CWC27: variants seen among roughly 807,000 people sequenced by gnomAD.
The protein encoded by CWC27 is spliceosome-associated protein CWC27 homolog.
A neutral mutation model predicts 63.6 loss-of-function variants in CWC27; 47 were observed. The ratio of observed to expected loss-of-function variants is 0.74; its 90% CI spans 0.58 to 0.94. The LOEUF is 0.94. Ranked by LOEUF, CWC27 falls within the 40% of genes least tolerant of loss-of-function variation. CWC27 has a pLI of 0.00. For missense variants in CWC27, 495 were observed against 554.3 expected, an observed-to-expected ratio of 0.89 and a Z score of 1.07; for synonymous variants, 175 against 179.8, an observed-to-expected ratio of 0.97 and a Z score of 0.22.
rs546630136 is a variant in CWC27 at position 64,907,275 on chromosome 5, G to A, written c.1042+21729G>A. On this transcript the variant is annotated intron_variant, in intron 11 of 13. Coordinates refer to ENST00000381070, the MANE Select transcript of CWC27 (RefSeq NM_005869.4). ...CCTTGGGCAGTATGGCCATTTTCAC[G>A]ATATTGATTCTTCCTATTCATGAGC... 7.9e-5 allele frequency among the ~76,000 whole-genome samples: 12 copies of A among 152,228 alleles called. No homozygotes were observed. In the East Asian group the frequency reaches 1.5e-3, roughly 20 times the overall value.
At chr5:64,885,698 G>GGGGGGTGT in intron 11 of CWC27, 152 bp downstream of exon 11, 2 of 259,616 alleles carry the variant, frequency 7.7e-6, no homozygotes, top group Non-Finnish European at 1.4e-5. Context: ...CTTGAGTTAG[G>GGGGGGTGT]GTGTGTGTGT....
intron 11 of CWC27, among the ~76,000 whole-genome samples, chr5:64,933,004 T>C (rs1481860316): frequency 6.6e-6 from 1 of 152,202 alleles, no homozygotes; most frequent in African/African-American, 2.4e-5. Context: ...AAGTGTAAAA[T>C]TATCTAATCA....
Position 64,820,003 on chromosome 5 carries a change from GATAA to G in CWC27, c.938+15621_938+15624del, listed in dbSNP as rs534039840. Among the ~76,000 whole-genome samples the G allele has an allele frequency of 6.1e-4, 93 of 152,264 alleles. 1 individual carries two copies. The highest frequency in any genetic ancestry group is 1.0e-3 in the Non-Finnish European group (69 of 68,018). ...CCTACTAAATAATTTTCATAAAACT[GATAA>G]ATAGTGTTTATTCCAACAAAGACAT... On this transcript the variant is annotated intron_variant, in intron 10 of 13. Coordinates refer to ENST00000381070, the MANE Select transcript of CWC27 (RefSeq NM_005869.4).
chr5:64,809,911 T>C (rs1045931189), intron 10 of CWC27, among the ~76,000 whole-genome samples: 4 of 152,204 alleles, frequency 2.6e-5, no homozygotes, highest in Non-Finnish European at 4.4e-5. Flanking sequence ...CAATCCTACT[T>C]GTCTATTTTT....
At chr5:64,915,331 G>T (rs529284535) in intron 11 of CWC27, among the ~76,000 whole-genome samples, 8 of 152,258 alleles carry the variant, frequency 5.3e-5, no homozygotes, top group African/African-American at 1.9e-4. Flanking sequence ...AATAATGTTT[G>T]TGATTATCCC....
chr5:64,873,450 C>A (rs1746724987), intron 10 of CWC27, among the ~76,000 whole-genome samples: 1 of 151,688 alleles, frequency 6.6e-6, no homozygotes, highest in Non-Finnish European at 1.5e-5. Flanking sequence ...AGCAATAGAC[C>A]CTTCTCTCTT....
At chr5:65,003,847 T>C (rs1749776691) in intron 13 of CWC27, among the ~76,000 whole-genome samples, 1 of 57,502 alleles carries the variant, frequency 1.7e-5, no homozygotes, top group African/African-American at 4.5e-5. Context: ...TTTATTTGAC[T>C]TTTTTTTTTT....
chr5:64,910,679 A>C (rs1747766712), intron 11 of CWC27, among the ~76,000 whole-genome samples: 1 of 152,228 alleles, frequency 6.6e-6, no homozygotes, highest in South Asian at 2.1e-4. Context: ...TACCCCTGCC[A>C]GGCTGCTGCC....
intron 11 of CWC27, among the ~76,000 whole-genome samples, chr5:64,957,141 T>C (rs1748816895): frequency 6.6e-6 from 1 of 152,204 alleles, no homozygotes; most frequent in Non-Finnish European, 1.5e-5. Flanking sequence ...TTACCTTATG[T>C]TACAAAACAA....
intron 10 of CWC27, among the ~76,000 whole-genome samples, chr5:64,846,088 G>A (rs6883063): frequency 0.37 from 55,739 of 152,000 alleles, 10,771 homozygotes; most frequent in East Asian, 0.52. Context: ...TTGAAATGCC[G>A]GAGGAAAACA....
At position 64,788,948 on chromosome 5, in the gene CWC27, T is replaced by C. The variant is rs1238117090; in HGVS notation, c.600-3T>C. 1.9e-6 allele frequency: 3 copies of C among 1,567,500 alleles called. No homozygotes were observed. The highest frequency in any genetic ancestry group is 2.6e-6 in the Non-Finnish European group (3 of 1,156,136). ...TTTTTTTTCTTTCTTTTTTTTGGAC[T>C]AGAAATTTTAGTTTACTTTCATTTG... On this transcript the variant is annotated splice_polypyrimidine_tract_variant and splice_region_variant and intron_variant, in intron 6 of 13. Coordinates refer to ENST00000381070, the MANE Select transcript of CWC27 (RefSeq NM_005869.4).
chr5:64,923,368 CTCCAGG>C (rs1478444032), intron 11 of CWC27, among the ~76,000 whole-genome samples: 1 of 151,870 alleles, frequency 6.6e-6, no homozygotes, highest in Non-Finnish European at 1.5e-5. Flanking sequence ...GTCGGGCTCC[CTCCAGG>C]TCCAACAGCT....
intron 11 of CWC27, among the ~76,000 whole-genome samples, chr5:64,959,482 C>T (rs1204980498): frequency 6.6e-6 from 1 of 152,092 alleles, no homozygotes; most frequent in Non-Finnish European, 1.5e-5. Flanking sequence ...AGTTTATCAC[C>T]AGTAGCTCCT....
chr5:64,773,063 T>C (rs989597062), intron 1 of CWC27, among the ~76,000 whole-genome samples: 2 of 152,096 alleles, frequency 1.3e-5, no homozygotes, highest in Non-Finnish European at 2.9e-5. Context: ...ATTGAAGATA[T>C]TATTAATAAT....
chr5:65,007,805 T>C (rs1188313853), intron 13 of CWC27, among the ~76,000 whole-genome samples: 1 of 152,102 alleles, frequency 6.6e-6, no homozygotes, highest in African/African-American at 2.4e-5. Flanking sequence ...TTTTTTTGTA[T>C]TTTTAGTAGG....
At chr5:64,775,487 T>G (rs1359079832) in intron 2 of CWC27, among the ~76,000 whole-genome samples, 5 of 152,176 alleles carry the variant, frequency 3.3e-5, no homozygotes, top group African/African-American at 1.2e-4. Flanking sequence ...AAGCATTTCC[T>G]TTCCGTTTCC....
chr5:64,866,682 G>A (rs1453628400), intron 10 of CWC27, among the ~76,000 whole-genome samples: 1 of 151,954 alleles, frequency 6.6e-6, no homozygotes. Flanking sequence ...GGAATATGTT[G>A]TTAATTTCCA....
chr5:64,829,641 CTTTT>C (rs564183984), intron 10 of CWC27, among the ~76,000 whole-genome samples: 3 of 126,264 alleles, frequency 2.4e-5, no homozygotes, highest in East Asian at 2.3e-4. Flanking sequence ...CTTTTATTCA[CTTTT>C]TTTTTTTTTT....
intron 10 of CWC27, among the ~76,000 whole-genome samples, chr5:64,862,480 CAGAAGTCA>C (rs1746434416): frequency 6.6e-6 from 1 of 152,026 alleles, no homozygotes. Context: ...AAATAAATTA[CAGAAGTCA>C]TGTTTTACCA....
Sources: gnomAD v4.1 joint callset for allele counts (sites outside exome capture counted in the v4.1 genomes callset) on GRCh38, gnomAD v4.1.1 for gene constraint, MANE v1.5 for transcripts, NCBI Gene and HGNC (gene_info 2026-07-23, HGNC 2026-07-21) for gene names.